TAOK1: variants seen among roughly 807,000 people sequenced by gnomAD.
TAOK1 encodes serine/threonine-protein kinase TAO1.
A neutral mutation model predicts 138.3 loss-of-function variants in TAOK1; 21 were observed. The observed-to-expected ratio is 0.15, with a 90% CI of 0.11 to 0.22. The LOEUF is 0.22. Among genes scored for constraint, TAOK1 ranks in the 10% least tolerant of loss-of-function variants. The pLI, the probability that TAOK1 is intolerant of heterozygous loss-of-function variation, is 1.00. For missense variants in TAOK1, 651 were observed against 1,227.7 expected, an observed-to-expected ratio of 0.53 and a Z score of 7.02; for synonymous variants, 361 against 398.4, an observed-to-expected ratio of 0.91 and a Z score of 1.12.
At position 29,417,159 on chromosome 17, in the gene TAOK1, C is replaced by T. The variant is rs374366508; in HGVS notation, c.-95+26135C>T. On this transcript the variant is annotated intron_variant, in intron 1 of 19. Transcript: ENST00000261716. ...CCTCCTGAGTAGCTGGGATTACAGG[C>T]GTCTGCTACCATGCCTGGCTAATTT... Among the ~76,000 whole-genome samples the T allele has an allele frequency of 2.4e-4, 36 of 152,172 alleles. 1 individual carries two copies. The South Asian group carries it at 6.8e-3, about 29-fold the overall frequency.
chr17:29,495,849 C>T, intron 11 of TAOK1, 122 bp downstream of exon 11: 1 of 790,680 alleles, frequency 1.3e-6, no homozygotes, highest in East Asian at 3.0e-5. Flanking sequence ...TTTCTCAACA[C>T]TGGTCCTATA....
chr17:29,459,609 T>C (rs143994143), intron 2 of TAOK1, among the ~76,000 whole-genome samples: 109 of 152,310 alleles, frequency 7.2e-4, no homozygotes, highest in East Asian at 2.1e-3. Flanking sequence ...TAGTACTTCA[T>C]TGTATAAATG....
At chr17:29,482,385 A>G (rs1218251090) in intron 8 of TAOK1, 97 bp downstream of exon 8, 4 of 978,978 alleles carry the variant, frequency 4.1e-6, no homozygotes, top group South Asian at 3.0e-5. Context: ...TTTATCTTAA[A>G]TGTCACTTTA....
intron 1 of TAOK1, among the ~76,000 whole-genome samples, chr17:29,426,105 C>A (rs2153022220): frequency 6.6e-6 from 1 of 152,286 alleles, no homozygotes; most frequent in East Asian, 1.9e-4. Context: ...TGGTCTCGAT[C>A]TCCTGACCTC....
rs1345386072 is a variant in TAOK1 at position 29,443,281 on chromosome 17, C to G, written c.-94-8174C>G. Among the ~76,000 whole-genome samples the G allele has an allele frequency of 2.0e-5, 3 of 152,292 alleles. No individual in the cohort carries two copies. In the East Asian group the frequency reaches 5.8e-4, roughly 29 times the overall value. ...ATCATTGTTGATTCAAGGAGCATTC[C>G]TCAAGTAATACTGAATGTGCTGTAA... is the stretch of plus-strand genomic sequence containing the variant. On this transcript the variant is annotated intron_variant, in intron 1 of 19. Transcript: ENST00000261716.
rs1004737261 is a variant in TAOK1 at position 29,487,937 on chromosome 17, A to C, written c.656-1727A>C. On this transcript the variant is annotated intron_variant, in intron 8 of 19. Transcript: ENST00000261716. ...GTGATCAAAATGAATACCATCAGTAACAGAACTTCTCAAAATCATGTGCCG... is the reference window on the plus strand; with the variant it reads ...GTGATCAAAATGAATACCATCAGTACCAGAACTTCTCAAAATCATGTGCCG... Among the ~76,000 whole-genome samples the C allele has an allele frequency of 5.9e-5, 9 of 152,178 alleles. 1 individual carries two copies. Among genetic ancestry groups the C allele is most frequent in the Non-Finnish European group, 1.5e-5 (1 of 68,030 alleles).
In TAOK1 at chr17:29,477,913, A is replaced by T. The variant is rs140416659; in HGVS notation, c.352+207A>T. The stretch of plus-strand genomic sequence containing the variant: ...TAGCTTAAAATAGTCATGTTTTCTC[A>T]TTGTGACTTTACAAGTATTTTTCTG... On this transcript the variant is annotated intron_variant, in intron 5 of 19. Transcript: ENST00000261716. Among the ~76,000 whole-genome samples the T allele has an allele frequency of 2.8e-3, 422 of 152,234 alleles. 4 individuals carry two copies. The highest frequency in any genetic ancestry group is 9.6e-3 in the African/African-American group (398 of 41,570).
At chr17:29,391,764 CCT>C (rs1904439178) in intron 1 of TAOK1, among the ~76,000 whole-genome samples, 1 of 152,178 alleles carries the variant, frequency 6.6e-6, no homozygotes, top group Non-Finnish European at 1.5e-5. Context: ...GAGAGGGACA[CCT>C]CTCCTGTTAG....
rs2032456433 is a variant in TAOK1, at chr17:29,549,541, C to T, written c.*6519C>T. 1 of 152,132 alleles carries T rather than the reference C, an allele frequency of 6.6e-6. No individual in the cohort carries two copies. The highest frequency in any genetic ancestry group is 2.4e-5 in the African/African-American group (1 of 41,414). The allele number at this position is 152,132 out of a possible 1,614,324, so 9.4% of individuals were successfully genotyped here. On this transcript the variant is annotated 3_prime_UTR_variant, in exon 20 of 20. Coordinates refer to ENST00000261716, the MANE Select transcript of TAOK1 (RefSeq NM_020791.4). ...GGCACATTTTGCTTTTTCTGAGCCC[C>T]AAATACATTGCCTGGGCATGAACAT...
intron 1 of TAOK1, among the ~76,000 whole-genome samples, chr17:29,423,618 C>G (rs1195433942): frequency 6.6e-6 from 1 of 152,006 alleles, no homozygotes; most frequent in Non-Finnish European, 1.5e-5. Flanking sequence ...TATGACAAAC[C>G]ATGTGTATTT....
chr17:29,417,731 T>TG (rs1399214373), intron 1 of TAOK1, among the ~76,000 whole-genome samples: 2 of 152,236 alleles, frequency 1.3e-5, no homozygotes, highest in African/African-American at 2.4e-5. Flanking sequence ...GGTTTCTTCT[T>TG]GCCATCTTTG....
intron 16 of TAOK1, among the ~76,000 whole-genome samples, chr17:29,518,015 C>G (rs1411353292): frequency 6.6e-6 from 1 of 152,090 alleles, no homozygotes; most frequent in Non-Finnish European, 1.5e-5. Context: ...ACCACCACAC[C>G]CAACTAATTT....
In TAOK1 at chr17:29,510,845, T is replaced by C. The variant is rs1423648422; in HGVS notation, c.1576-19T>C. 5 of 1,548,162 alleles carry C rather than the reference T, an allele frequency of 3.2e-6. No individual in the cohort carries two copies. The highest frequency in any genetic ancestry group is 2.6e-6 in the Non-Finnish European group (3 of 1,151,116). On this transcript the variant is annotated intron_variant, in intron 14 of 19. Transcript: ENST00000261716. ...TATCTACTTAACTAAATTTGATTCA[T>C]TTTTTAAACTTCATATAGGCTAAAG...
At chr17:29,417,064 A>G (rs1004087223) in intron 1 of TAOK1, among the ~76,000 whole-genome samples, 16 of 151,704 alleles carry the variant, frequency 1.1e-4, no homozygotes, top group Non-Finnish European at 1.9e-4. Flanking sequence ...TCCAGGCGGG[A>G]GTGCAGTGGC....
chr17:29,453,896 C>T (rs1223263509), intron 2 of TAOK1, among the ~76,000 whole-genome samples: 7 of 151,648 alleles, frequency 4.6e-5, no homozygotes, highest in Non-Finnish European at 1.0e-4. Flanking sequence ...CGTCCTCAGC[C>T]TCCGTGGGCT....
At chr17:29,538,584 T>C (rs765717178) in intron 19 of TAOK1, among the ~76,000 whole-genome samples, 2 of 152,220 alleles carry the variant, frequency 1.3e-5, no homozygotes, top group Non-Finnish European at 2.9e-5. Context: ...TTGCCGGTTG[T>C]ACATACATAT....
chr17:29,521,413 G>A (rs1161273124), intron 16 of TAOK1, among the ~76,000 whole-genome samples: 2 of 152,146 alleles, frequency 1.3e-5, no homozygotes, highest in Non-Finnish European at 2.9e-5. Flanking sequence ...AGAACTTTTT[G>A]TTTATTAACT....
At chr17:29,454,685 AG>A (rs552070990) in intron 2 of TAOK1, among the ~76,000 whole-genome samples, 1 of 151,766 alleles carries the variant, frequency 6.6e-6, no homozygotes, top group Non-Finnish European at 1.5e-5. Context: ...ACATATTCTT[AG>A]GTTTTTTTGT....
At chr17:29,519,993 C>T (rs1226448791) in intron 16 of TAOK1, among the ~76,000 whole-genome samples, 8 of 151,900 alleles carry the variant, frequency 5.3e-5, no homozygotes, top group Non-Finnish European at 1.0e-4. Context: ...GCCTGGTCAA[C>T]GTGGTAAAAC....
Sources: gnomAD v4.1 joint callset for allele counts (sites outside exome capture counted in the v4.1 genomes callset) on GRCh38, gnomAD v4.1.1 for gene constraint, MANE v1.5 for transcripts, NCBI Gene and HGNC (gene_info 2026-07-23, HGNC 2026-07-21) for gene names.